FOXP1: variants seen among roughly 807,000 people sequenced by gnomAD.
The protein encoded by FOXP1 is forkhead box P1, also known as forkhead box protein P1.
FOXP1 carries 15 observed loss-of-function variants against 98.2 expected under a neutral mutation model. The observed-to-expected ratio is 0.15, with a 90% confidence interval of 0.10 to 0.24. The LOEUF (loss-of-function observed/expected upper bound fraction) is 0.24. Among genes scored for constraint, FOXP1 ranks in the 10% least tolerant of loss-of-function variants. The probability of loss-of-function intolerance (pLI) is 1.00; values close to 1 mark genes in which losing one functional copy is unlikely to be tolerated. For synonymous variants in FOXP1, 371 were observed against 314.5 expected, an observed-to-expected ratio of 1.18 and a Z score of -1.90; for missense variants, 633 against 848.5, an observed-to-expected ratio of 0.75 and a Z score of 3.15.
chr3:70,963,570 G>C (rs753464589), intron 20 of FOXP1, among the ~76,000 whole-genome samples: 1 of 152,080 alleles, frequency 6.6e-6, no homozygotes, highest in African/African-American at 2.4e-5. Flanking sequence ...TCCTACTTCC[G>C]AAAGGGCTAC....
Position 71,427,927 on chromosome 3 carries a change from A to C in FOXP1, c.-168+65499T>G, listed in dbSNP as rs181791983. On this transcript the variant is annotated intron_variant, in intron 3 of 20. Coordinates refer to ENST00000649528, the MANE Select transcript of FOXP1 (RefSeq NM_001349338.3). ...AGGTCAGGGGGGATTCTTTGTGAAA[A>C]TATCTTCCAGGAACCTGAAAATGAA... Among the ~76,000 whole-genome samples, 196 of 152,330 alleles carry C rather than the reference A, an allele frequency of 1.3e-3. 2 individuals are homozygous for C. The highest frequency in any genetic ancestry group is 3.4e-3 in the Middle Eastern group (1 of 294).
At chr3:70,960,704 C>A (rs1006116023) in intron 20 of FOXP1, among the ~76,000 whole-genome samples, 1 of 151,912 alleles carries the variant, frequency 6.6e-6, no homozygotes, top group Admixed American at 6.6e-5. Flanking sequence ...CCCAAAGGCC[C>A]CTTGAACCAT....
At chr3:71,105,747 C>T (rs1424984275) in intron 7 of FOXP1, among the ~76,000 whole-genome samples, 1 of 151,986 alleles carries the variant, frequency 6.6e-6, no homozygotes, top group East Asian at 1.9e-4. Flanking sequence ...CTTTCTGTCC[C>T]CACCACACAC....
At chr3:71,154,970 T>C (rs2060749612) in intron 6 of FOXP1, among the ~76,000 whole-genome samples, 1 of 152,172 alleles carries the variant, frequency 6.6e-6, no homozygotes, top group Admixed American at 6.5e-5. Flanking sequence ...AGTAATAAAA[T>C]GTCTCATAAT....
intron 17 of FOXP1, 147 bp from the exon 18 acceptor site, chr3:70,972,823 T>G (rs544076188): frequency 1.3e-6 from 1 of 763,190 alleles, no homozygotes; most frequent in East Asian, 2.7e-5. Context: ...TTCTCATGGT[T>G]AAGGATGTCT....
intron 4 of FOXP1, among the ~76,000 whole-genome samples, chr3:71,305,082 T>A (rs934853639): frequency 3.3e-5 from 5 of 152,130 alleles, no homozygotes; most frequent in African/African-American, 1.2e-4. Flanking sequence ...CCCAGAATGA[T>A]CTAAGTGTAC....
At chr3:71,157,511 G>C (rs1375598147) in intron 6 of FOXP1, among the ~76,000 whole-genome samples, 3 of 152,172 alleles carry the variant, frequency 2.0e-5, no homozygotes, top group African/African-American at 7.2e-5. Context: ...GAATATGGTT[G>C]TAAAGGTGAA....
chr3:71,501,958 G>A (rs1379658488), intron 2 of FOXP1, among the ~76,000 whole-genome samples: 2 of 152,282 alleles, frequency 1.3e-5, no homozygotes, highest in East Asian at 1.9e-4. Flanking sequence ...GGGATTTGCA[G>A]GTTATATCCT....
At chr3:71,535,306 G>A (rs1425088322) in intron 2 of FOXP1, among the ~76,000 whole-genome samples, 1 of 152,086 alleles carries the variant, frequency 6.6e-6, no homozygotes, top group Non-Finnish European at 1.5e-5. Flanking sequence ...CACTGGAGGA[G>A]AACTTAATAG....
At chr3:71,503,538 T>C (rs1345082495) in intron 2 of FOXP1, among the ~76,000 whole-genome samples, 3 of 140,118 alleles carry the variant, frequency 2.1e-5, no homozygotes, top group Non-Finnish European at 4.6e-5. Flanking sequence ...GAGGTGGAGG[T>C]TGCAGTGAGC....
intron 15 of FOXP1, 37 bp downstream of exon 15, chr3:70,977,791 T>A: frequency 6.2e-7 from 1 of 1,610,476 alleles, no homozygotes. Context: ...GAATTGCAGA[T>A]TACAACTCTA....
At chr3:71,409,184 A>C (rs1050050623) in intron 3 of FOXP1, among the ~76,000 whole-genome samples, 2 of 152,070 alleles carry the variant, frequency 1.3e-5, no homozygotes, top group African/African-American at 4.8e-5. Context: ...TTCTTTCTTA[A>C]TGTTCCTAAG....
At chr3:70,978,187 C>A (rs1393393783) in intron 14 of FOXP1, among the ~76,000 whole-genome samples, 158 bp from the exon 15 acceptor site, 2 of 152,156 alleles carry the variant, frequency 1.3e-5, no homozygotes, top group African/African-American at 4.8e-5. Context: ...GTGAGTCCTG[C>A]GTGAATTCAC....
chr3:71,565,182 G>C (rs2046816968), intron 2 of FOXP1, among the ~76,000 whole-genome samples: 1 of 152,182 alleles, frequency 6.6e-6, no homozygotes, highest in Non-Finnish European at 1.5e-5. Context: ...CTGTCAATTT[G>C]TCCATAGTGG....
chr3:71,423,583 A>AG (rs2083838433), intron 3 of FOXP1, among the ~76,000 whole-genome samples: 1 of 152,236 alleles, frequency 6.6e-6, no homozygotes, highest in South Asian at 2.1e-4. Flanking sequence ...TGGTTCTACC[A>AG]GGGGTACAAA....
intron 2 of FOXP1, among the ~76,000 whole-genome samples, chr3:71,579,632 CTTTTTTT>C (rs35646548): frequency 2.2e-4 from 27 of 123,000 alleles, no homozygotes; most frequent in African/African-American, 7.1e-4. Flanking sequence ...TTTCTTTTTT[CTTTTTTT>C]TTTTTTTTTT....
intron 18 of FOXP1, chr3:70,971,934 A>ACTACATGGGATGAGTCAACC: frequency 8.2e-7 from 1 of 1,212,932 alleles, no homozygotes; most frequent in Non-Finnish European, 1.1e-6. Context: ...GAAATGCAAA[A>ACTACATGGGATGAGTCAACC]CTACATGGGA....
At chr3:71,269,494 T>G (rs2070111532) in intron 5 of FOXP1, among the ~76,000 whole-genome samples, 1 of 152,212 alleles carries the variant, frequency 6.6e-6, no homozygotes, top group South Asian at 2.1e-4. Context: ...TGATTCAGTT[T>G]CATTACTGGC....
At chr3:71,208,768 C>T (rs2064238238) in intron 5 of FOXP1, among the ~76,000 whole-genome samples, 1 of 152,090 alleles carries the variant, frequency 6.6e-6, no homozygotes, top group African/African-American at 2.4e-5. Flanking sequence ...AGGGGCAGGG[C>T]TAACGTAAAC....
Sources: gnomAD v4.1 joint callset for allele counts (sites outside exome capture counted in the v4.1 genomes callset) on GRCh38, gnomAD v4.1.1 for gene constraint, MANE v1.5 for transcripts, NCBI Gene and HGNC (gene_info 2026-07-23, HGNC 2026-07-21) for gene names.